The following SCAI variants were observed in gnomAD, a reference collection of about 807,000 sequenced individuals.
SCAI encodes the protein suppressor of cancer cell invasion.
Under a neutral mutation model 92.2 loss-of-function variants are expected in SCAI, and 24 were observed. The observed-to-expected ratio is 0.26, with a 90% CI of 0.19 to 0.37. The LOEUF is 0.37. Among genes scored for constraint, SCAI ranks in the 10% least tolerant of loss-of-function variants. SCAI has a pLI of 1.00. For synonymous variants in SCAI, 261 were observed against 258.6 expected (o/e 1.01, Z -0.09); for missense variants, 450 against 736.2 (o/e 0.61, Z 4.50).
intron 2 of SCAI, among the ~76,000 whole-genome samples, chr9:125,087,104 G>A (rs1215773859): frequency 1.3e-5 from 2 of 152,106 alleles, no homozygotes; most frequent in Non-Finnish European, 2.9e-5. Flanking sequence ...AAGAAACAAA[G>A]GAATGTAACT....
chr9:125,050,158 G>T (rs184824704), intron 3 of SCAI, among the ~76,000 whole-genome samples: 9 of 151,710 alleles, frequency 5.9e-5, no homozygotes, highest in Non-Finnish European at 1.3e-4. Context: ...CACTATTCCA[G>T]CTGGATCCCA....
At chr9:125,020,086 G>GA (rs1184488917) in intron 7 of SCAI, among the ~76,000 whole-genome samples, 19 of 111,344 alleles carry the variant, frequency 1.7e-4, no homozygotes, top group East Asian at 2.6e-4. Flanking sequence ...AAAAAAAAAA[G>GA]AAAAAAAAAA....
intron 2 of SCAI, among the ~76,000 whole-genome samples, chr9:125,063,754 C>CTTT (rs367915695): frequency 7.2e-6 from 1 of 139,720 alleles, no homozygotes; most frequent in Admixed American, 7.2e-5. Flanking sequence ...TCCCTTTTAT[C>CTTT]TTTTTTTTTT....
chr9:125,044,093 G>C (rs972503658), intron 3 of SCAI, among the ~76,000 whole-genome samples: 2 of 152,128 alleles, frequency 1.3e-5, no homozygotes, highest in Non-Finnish European at 2.9e-5. Context: ...GCCAAGCCTG[G>C]GACCTGTCAC....
chr9:124,968,546 A>G, intron 17 of SCAI: 1 of 897,450 alleles, frequency 1.1e-6, no homozygotes, highest in Admixed American at 1.7e-5. Context: ...CACCACTCCC[A>G]AAGGAAACAT....
At chr9:124,958,620 GAGA>G (rs1831368834) in intron 17 of SCAI, among the ~76,000 whole-genome samples, 1 of 151,840 alleles carries the variant, frequency 6.6e-6, no homozygotes, top group South Asian at 2.1e-4. Context: ...AAGAAAATAG[GAGA>G]AGGCCAGGCG....
intron 14 of SCAI, 53 bp from the exon 15 acceptor site, chr9:124,976,239 T>C: frequency 8.0e-7 from 1 of 1,253,546 alleles, no homozygotes. Flanking sequence ...CAAAGATAGT[T>C]ACTTAGTAAT....
chr9:124,982,382 T>C (rs1831903168), intron 14 of SCAI, among the ~76,000 whole-genome samples: 1 of 152,036 alleles, frequency 6.6e-6, no homozygotes, highest in African/African-American at 2.4e-5. Flanking sequence ...GGTTTCAAAG[T>C]ATTATTGGGC....
chr9:125,022,776 T>A (rs1832897450), intron 6 of SCAI, among the ~76,000 whole-genome samples: 1 of 152,110 alleles, frequency 6.6e-6, no homozygotes, highest in Admixed American at 6.6e-5. Context: ...ATACTGATAA[T>A]CTTTGTCTTT....
intron 3 of SCAI, among the ~76,000 whole-genome samples, chr9:125,048,950 G>A (rs1833501681): frequency 6.6e-6 from 1 of 151,816 alleles, no homozygotes; most frequent in Non-Finnish European, 1.5e-5. Flanking sequence ...TCTCCATGTT[G>A]GTCAGACTGG....
intron 2 of SCAI, among the ~76,000 whole-genome samples, chr9:125,107,862 CGGTCTCCCTCTGA>C (rs1834834037): frequency 1.3e-5 from 2 of 152,210 alleles, no homozygotes; most frequent in African/African-American, 4.8e-5. Flanking sequence ...TCTCTTTCCA[CGGTCTCCCTCTGA>C]TGCCGAGCGG....
intron 9 of SCAI, among the ~76,000 whole-genome samples, chr9:125,006,962 A>T (rs1230393529): frequency 6.6e-6 from 1 of 152,082 alleles, no homozygotes; most frequent in Non-Finnish European, 1.5e-5. Context: ...CTACTAACAA[A>T]TACAAAAATT....
intron 2 of SCAI, among the ~76,000 whole-genome samples, chr9:125,135,782 G>A (rs907982128): frequency 2.6e-5 from 4 of 151,884 alleles, no homozygotes; most frequent in Non-Finnish European, 5.9e-5. Flanking sequence ...CCAGCCTAAC[G>A]AACATGGAGA....
chr9:125,052,142 A>G (rs1452206721), intron 3 of SCAI, among the ~76,000 whole-genome samples: 1 of 152,252 alleles, frequency 6.6e-6, no homozygotes, highest in Non-Finnish European at 1.5e-5. Context: ...ACACGGGAGT[A>G]CATTTTAATG....
chr9:125,111,641 G>C (rs1834931108), intron 2 of SCAI, among the ~76,000 whole-genome samples: 1 of 151,842 alleles, frequency 6.6e-6, no homozygotes, highest in Admixed American at 6.6e-5. Flanking sequence ...TCTTCTTCCA[G>C]TGTGGCCCAG....
chr9:124,992,586 G>T (rs151010524), intron 14 of SCAI, among the ~76,000 whole-genome samples: 70 of 151,372 alleles, frequency 4.6e-4, no homozygotes, highest in African/African-American at 1.6e-3. Context: ...ATTTCACCAC[G>T]TTGGCCAGGC....
At chr9:125,043,153 C>T (rs1833362078) in intron 3 of SCAI, among the ~76,000 whole-genome samples, 1 of 151,216 alleles carries the variant, frequency 6.6e-6, no homozygotes, top group Non-Finnish European at 1.5e-5. Context: ...CAGGCGTGAG[C>T]CACTGTGCCT....
At chr9:125,105,056 T>C (rs1282595950) in intron 2 of SCAI, among the ~76,000 whole-genome samples, 1 of 152,034 alleles carries the variant, frequency 6.6e-6, no homozygotes, top group Non-Finnish European at 1.5e-5. Flanking sequence ...CTGCTGACAG[T>C]CAACTGATAC....
At chr9:125,120,804 C>T (rs1835142373) in intron 2 of SCAI, among the ~76,000 whole-genome samples, 1 of 151,948 alleles carries the variant, frequency 6.6e-6, no homozygotes, top group Non-Finnish European at 1.5e-5. Flanking sequence ...ACTGCTTGAA[C>T]CCAGGAGGTA....
Sources: gnomAD v4.1 joint callset for allele counts (sites outside exome capture counted in the v4.1 genomes callset) on GRCh38, gnomAD v4.1.1 for gene constraint, MANE v1.5 for transcripts, NCBI Gene and HGNC (gene_info 2026-07-23, HGNC 2026-07-21) for gene names.